The following GABRG2 variants were observed in gnomAD, a reference collection of about 807,000 sequenced individuals.
GABRG2 encodes the protein gamma-aminobutyric acid type A receptor subunit gamma2.
In GABRG2, 16 loss-of-function variants were observed where a neutral mutation model predicts 56.4. That is an observed-to-expected ratio of 0.28 (90% CI 0.19 to 0.43). The LOEUF (loss-of-function observed/expected upper bound fraction) is 0.43, where lower values mean the gene tolerates loss of function less well. Ranked by LOEUF, GABRG2 falls within the 20% of genes least tolerant of loss-of-function variation. The probability of loss-of-function intolerance (pLI) is 1.00; values close to 1 mark genes in which losing one functional copy is unlikely to be tolerated. For synonymous variants in GABRG2, 208 were observed against 205.5 expected (o/e 1.01, Z -0.10); for missense variants, 327 against 582.7 (o/e 0.56, Z 4.52).
At chr5:162,136,288 T>C (rs894168651) in intron 6 of GABRG2, among the ~76,000 whole-genome samples, 2 of 152,160 alleles carry the variant, frequency 1.3e-5, no homozygotes, top group Non-Finnish European at 2.9e-5. Context: ...GAATGTTCCA[T>C]GATGAAGGAA....
intron 8 of GABRG2, chr5:162,150,839 T>TAA (rs1765319414): frequency 6.6e-6 from 1 of 152,238 alleles, no homozygotes; most frequent in Non-Finnish European, 1.5e-5. Context: ...TTTCTTTAAT[T>TAA]GCTCAAATAT....
intron 1 of GABRG2, among the ~76,000 whole-genome samples, chr5:162,085,912 T>C (rs1055200578): frequency 6.6e-6 from 1 of 151,612 alleles, no homozygotes; most frequent in Non-Finnish European, 1.5e-5. Flanking sequence ...CATGATCTCA[T>C]TGTTTTTTTA....
At chr5:162,125,449 A>G (rs1216126080) in intron 6 of GABRG2, among the ~76,000 whole-genome samples, 2 of 143,570 alleles carry the variant, frequency 1.4e-5, no homozygotes, top group African/African-American at 5.9e-5. Flanking sequence ...TGGATTATAT[A>G]ATCATTGAGG....
At chr5:162,079,015 T>A (rs115577768) in intron 1 of GABRG2, among the ~76,000 whole-genome samples, 10,229 of 150,114 alleles carry the variant, frequency 0.068, 392 homozygotes, top group Middle Eastern at 0.079. Context: ...TAGATTAATA[T>A]TATATAATTA....
rs576548178 is a variant in GABRG2 at position 162,085,860 on chromosome 5, A to G, written c.108-7968A>G. Among the ~76,000 whole-genome samples the G allele has an allele frequency of 1.3e-3, 194 of 151,924 alleles. 1 individual carries two copies. Among genetic ancestry groups the G allele is most frequent in the African/African-American group, 4.3e-3 (177 of 41,488 alleles). On this transcript the variant is annotated intron_variant, in intron 1 of 9. Transcript: ENST00000639213. ...TTTTCTGTTCCTGTGTTAGTTTGAT[A>G]AGGATAGTGGTCTCCAGCTCCATTC... is the stretch of plus-strand genomic sequence containing the variant.
At position 162,093,989 on chromosome 5, in the gene GABRG2, AG is replaced by A. The variant is rs1760809813; in HGVS notation, c.259+11del. The A allele has an allele frequency of 6.2e-6, 10 of 1,612,876 alleles. No individual in the cohort carries two copies. Among genetic ancestry groups the A allele is most frequent in the African/African-American group, 1.3e-5 (1 of 74,858 alleles). On this transcript the variant is annotated intron_variant, in intron 2 of 9. Transcript: ENST00000639213. ...CGGCCTGATATAGGAGGTTTGTTAA[AG>A]TCTTTTGCGTTGTGCTATAGATAGG... is the stretch of plus-strand genomic sequence containing the variant.
chr5:162,116,274 C>G (rs996337234), intron 6 of GABRG2, among the ~76,000 whole-genome samples: 1 of 151,774 alleles, frequency 6.6e-6, no homozygotes, highest in Non-Finnish European at 1.5e-5. Flanking sequence ...ATCTATTTAT[C>G]TTAAGCTGAT....
chr5:162,143,577 C>G (rs1042223715), intron 7 of GABRG2, among the ~76,000 whole-genome samples: 1 of 152,100 alleles, frequency 6.6e-6, no homozygotes, highest in African/African-American at 2.4e-5. Flanking sequence ...TATGTAAAAC[C>G]TAGAACCACA....
intron 1 of GABRG2, among the ~76,000 whole-genome samples, chr5:162,076,524 C>A (rs1407906739): frequency 6.6e-6 from 1 of 152,156 alleles, no homozygotes; most frequent in African/African-American, 2.4e-5. Flanking sequence ...GAAATAGCTT[C>A]TATTTAAATG....
intron 6 of GABRG2, among the ~76,000 whole-genome samples, chr5:162,110,971 T>C (rs1762210549): frequency 6.6e-6 from 1 of 152,144 alleles, no homozygotes; most frequent in Admixed American, 6.5e-5. Context: ...CTTTCCCTCC[T>C]TGGGATGAAA....
intron 6 of GABRG2, among the ~76,000 whole-genome samples, chr5:162,134,632 G>T (rs548914207): frequency 6.6e-6 from 1 of 152,246 alleles, no homozygotes; most frequent in South Asian, 2.1e-4. Flanking sequence ...TCTGATATTT[G>T]CCCTTGCAGT....
At chr5:162,123,585 G>A (rs1450718983) in intron 6 of GABRG2, among the ~76,000 whole-genome samples, 2 of 151,816 alleles carry the variant, frequency 1.3e-5, no homozygotes, top group Non-Finnish European at 2.9e-5. Flanking sequence ...GTGTGTGTCT[G>A]TTTACATATA....
chr5:162,123,379 A>ATGATTATTAT (rs11280887), intron 6 of GABRG2, among the ~76,000 whole-genome samples: 24,594 of 151,594 alleles, frequency 0.16, 2,068 homozygotes, highest in South Asian at 0.22. Context: ...TATTTATCTA[A>ATGATTATTAT]TTATCTAATT....
intron 1 of GABRG2, among the ~76,000 whole-genome samples, chr5:162,092,417 G>A (rs761652965): frequency 3.9e-5 from 6 of 152,152 alleles, no homozygotes; most frequent in Non-Finnish European, 7.4e-5. Context: ...AGAGGTTACT[G>A]TAATCATTAA....
At chr5:162,124,078 C>T (rs887179001) in intron 6 of GABRG2, among the ~76,000 whole-genome samples, 3 of 151,528 alleles carry the variant, frequency 2.0e-5, no homozygotes, top group Non-Finnish European at 3.0e-5. Context: ...AAGAAGCTTC[C>T]CCAGAGAGAA....
At chr5:162,071,423 T>G (rs1393682287) in intron 1 of GABRG2, among the ~76,000 whole-genome samples, 1 of 151,784 alleles carries the variant, frequency 6.6e-6, no homozygotes, top group African/African-American at 2.4e-5. Flanking sequence ...CAAGGATAAA[T>G]TGAGCAGAAA....
At chr5:162,144,619 T>C (rs1764822700) in intron 7 of GABRG2, among the ~76,000 whole-genome samples, 1 of 152,170 alleles carries the variant, frequency 6.6e-6, no homozygotes, top group East Asian at 1.9e-4. Context: ...ATTATCACAA[T>C]TTTTAGAGCT....
intron 6 of GABRG2, among the ~76,000 whole-genome samples, chr5:162,129,647 GTA>G (rs1207451313): frequency 1.3e-5 from 2 of 151,782 alleles, no homozygotes; most frequent in Non-Finnish European, 2.9e-5. Context: ...GACCGGACAA[GTA>G]AAGTAACATT....
intron 7 of GABRG2, among the ~76,000 whole-genome samples, chr5:162,146,325 A>C (rs1164278216): frequency 6.6e-6 from 1 of 152,040 alleles, no homozygotes; most frequent in Non-Finnish European, 1.5e-5. Context: ...ATCTTGAACA[A>C]GTTTTTATTC....
Sources: allele counts gnomAD v4.1 joint callset (sites outside exome capture counted in the v4.1 genomes callset), GRCh38; gene constraint gnomAD v4.1.1; transcripts MANE v1.5; gene names NCBI Gene and HGNC (gene_info 2026-07-23, HGNC 2026-07-21).